The following FRAS1 variants were observed in gnomAD, a reference collection of about 807,000 sequenced individuals.
The protein encoded by FRAS1 is Fraser extracellular matrix complex subunit 1.
In FRAS1, 290 loss-of-function variants were observed where a neutral mutation model predicts 435.2. The observed-to-expected ratio is 0.67, with a 90% CI of 0.61 to 0.73. The LOEUF is 0.73. Ranked by LOEUF, FRAS1 falls within the 30% of genes least tolerant of loss-of-function variation. The probability of loss-of-function intolerance (pLI) is 0.00; values close to 1 mark genes in which losing one functional copy is unlikely to be tolerated. For missense variants in FRAS1, 4,860 were observed against 5,001.5 expected (o/e 0.97, Z 0.85); for synonymous variants, 1,800 against 1,851.0 (o/e 0.97, Z 0.71).
intron 6 of FRAS1, 22 bp downstream of exon 6, chr4:78,255,397 T>C (rs376425540): frequency 4.9e-5 from 78 of 1,576,398 alleles, no homozygotes; most frequent in Non-Finnish European, 6.6e-5. Context: ...AACCTCAGCA[T>C]GCAGCCTTCA....
chr4:78,472,211 T>C lies in FRAS1; in HGVS notation c.7403T>C (p.Leu2468Pro), dbSNP rs1418840782. 1 of 1,613,990 alleles carries C rather than the reference T, an allele frequency of 6.2e-7. No individual in the cohort carries two copies. Among genetic ancestry groups the C allele is most frequent in the Non-Finnish European group, 8.5e-7 (1 of 1,179,870 alleles). ...AACCTGATCACCAAGAAGGAACTGCTGACCATGGACCCAGACACCGAGGAC... is the reference window on the plus strand; with the variant it reads ...AACCTGATCACCAAGAAGGAACTGCCGACCATGGACCCAGACACCGAGGAC... ...ATNLITKKEL[L>P]TMDPDTEDAQ... is the part of the protein sequence containing the mutation. The change falls in exon 52 of 74, where the codon CTG (leucine) becomes CCG (proline). Residue 2468 changes from leucine to proline, a missense_variant. Coordinates refer to ENST00000512123, the MANE Select transcript of FRAS1 (RefSeq NM_025074.7).
chr4:78,126,891 A>G (rs1467079070), intron 2 of FRAS1, among the ~76,000 whole-genome samples: 3 of 152,196 alleles, frequency 2.0e-5, no homozygotes, highest in Non-Finnish European at 4.4e-5. Context: ...TTACAAGCAG[A>G]TTAGTGGAAC....
chr4:78,508,644 A>C, intron 62 of FRAS1, 87 bp from the exon 63 acceptor site: 1 of 1,376,130 alleles, frequency 7.3e-7, no homozygotes, highest in Non-Finnish European at 1.0e-6. Context: ...ACACTAAGAG[A>C]TCTTGTGGAT....
At chr4:78,315,856 GAT>G in intron 16 of FRAS1, 122 bp downstream of exon 16, 2 of 1,093,458 alleles carry the variant, frequency 1.8e-6, no homozygotes, top group East Asian at 2.6e-5. Flanking sequence ...AACTTTAAAA[GAT>G]AGCTTTTTTC....
chr4:78,380,490 C>T (rs1158216513), intron 27 of FRAS1, among the ~76,000 whole-genome samples: 1 of 152,180 alleles, frequency 6.6e-6, no homozygotes, highest in Non-Finnish European at 1.5e-5. Context: ...TAAGCCTGAT[C>T]CAGTTTTCCC....
chr4:78,306,938 A>G (rs940709564), intron 14 of FRAS1, among the ~76,000 whole-genome samples: 469 of 151,854 alleles, frequency 3.1e-3, no homozygotes, highest in Non-Finnish European at 4.9e-3. Context: ...GAGGAGAGGC[A>G]CTCTGCTTTT....
chr4:78,248,932 G>T (rs1011904083), intron 4 of FRAS1, among the ~76,000 whole-genome samples: 1 of 150,862 alleles, frequency 6.6e-6, no homozygotes, highest in Non-Finnish European at 1.5e-5. Flanking sequence ...GGTAAAACCG[G>T]GTCCTGTGGG....
chr4:78,060,640 C>A (rs1040853965), intron 1 of FRAS1, among the ~76,000 whole-genome samples: 2 of 152,158 alleles, frequency 1.3e-5, no homozygotes, highest in African/African-American at 4.8e-5. Context: ...TTAAGCTTAA[C>A]TGGTGGACTG....
At chr4:78,276,723 C>G (rs987533412) in intron 9 of FRAS1, among the ~76,000 whole-genome samples, 2 of 152,368 alleles carry the variant, frequency 1.3e-5, no homozygotes, top group South Asian at 2.1e-4. Context: ...CAGTCTGCCC[C>G]TACTGGAGGG....
chr4:78,487,873 T>G (rs58042130), intron 58 of FRAS1, among the ~76,000 whole-genome samples: 1,715 of 152,280 alleles, frequency 0.011, 32 homozygotes, highest in African/African-American at 0.037. Context: ...ACACAACTGG[T>G]AAGTAGAAGG....
intron 2 of FRAS1, among the ~76,000 whole-genome samples, chr4:78,103,714 G>A (rs961621776): frequency 6.6e-6 from 1 of 152,138 alleles, no homozygotes; most frequent in Non-Finnish European, 1.5e-5. Context: ...ACCATGTGAG[G>A]ACACAGTGAA....
intron 66 of FRAS1, among the ~76,000 whole-genome samples, chr4:78,517,742 G>GT (rs142552444): frequency 1.0e-3 from 154 of 151,380 alleles, no homozygotes; most frequent in Non-Finnish European, 7.5e-4. Flanking sequence ...TATTTGTTGG[G>GT]TTTTTTTTTC....
rs906024365 is a variant in FRAS1 at position 78,470,074 on chromosome 4, G to A, written c.7354G>A (p.Glu2452Lys). ...IVTNLGLQWLEYMDGKATNLI... is the reference protein window; with the variant it reads ...IVTNLGLQWLKYMDGKATNLI... Reference sequence around the variant, plus strand: ...CACCAACCTGGGACTCCAGTGGCTGGAATACATGGATGGCAAGGTAAGGCC... The same window carrying A: ...CACCAACCTGGGACTCCAGTGGCTGAAATACATGGATGGCAAGGTAAGGCC... The change falls in exon 51 of 74, where the codon GAA becomes AAA. Residue 2452 changes from glutamate (E) to lysine (K), a missense_variant. By Grantham distance (56) the Glu-to-Lys change is moderately conservative. Coordinates refer to ENST00000512123, the MANE Select transcript of FRAS1 (RefSeq NM_025074.7). 1 of 1,612,280 alleles carries A rather than the reference G, an allele frequency of 6.2e-7. No homozygotes were observed. Among genetic ancestry groups the A allele is most frequent in the African/African-American group, 1.3e-5 (1 of 74,866 alleles).
chr4:78,096,372 T>A (rs1460900241), intron 2 of FRAS1, among the ~76,000 whole-genome samples: 1 of 152,060 alleles, frequency 6.6e-6, no homozygotes, highest in African/African-American at 2.4e-5. Flanking sequence ...CATTCCGGGG[T>A]CTGGAGGATG....
At chr4:78,084,283 T>G (rs929138286) in intron 2 of FRAS1, among the ~76,000 whole-genome samples, 2 of 152,122 alleles carry the variant, frequency 1.3e-5, no homozygotes, top group Admixed American at 1.3e-4. Flanking sequence ...TACTGTAATT[T>G]GTAAATTAAA....
At chr4:78,327,040 G>A (rs391641) in intron 18 of FRAS1, among the ~76,000 whole-genome samples, 22,937 of 152,006 alleles carry the variant, frequency 0.15, 3,621 homozygotes, top group African/African-American at 0.4. Context: ...TGGGGATGTT[G>A]AATCATGTTC....
At chr4:78,499,461 C>T (rs765181557) in intron 60 of FRAS1, among the ~76,000 whole-genome samples, 29 of 152,104 alleles carry the variant, frequency 1.9e-4, no homozygotes, top group Admixed American at 7.9e-4. Flanking sequence ...AAAGTCTCTA[C>T]AAATAATTCC....
At chr4:78,364,469 T>C (rs370632848) in intron 22 of FRAS1, among the ~76,000 whole-genome samples, 89 of 152,342 alleles carry the variant, frequency 5.8e-4, no homozygotes, top group African/African-American at 2.0e-3. Flanking sequence ...CTGGATTTAA[T>C]TTGTTTTCTA....
chr4:78,345,838 A>C (rs559737055), intron 20 of FRAS1, among the ~76,000 whole-genome samples: 1 of 148,934 alleles, frequency 6.7e-6, no homozygotes, highest in South Asian at 2.1e-4. Context: ...AACATGACCT[A>C]TGCTTAAATT....
Sources: allele counts gnomAD v4.1 joint callset (sites outside exome capture counted in the v4.1 genomes callset), GRCh38; gene constraint gnomAD v4.1.1; transcripts MANE v1.5; gene names NCBI Gene and HGNC (gene_info 2026-07-23, HGNC 2026-07-21).